Variants in ALPK2 observed in about 807,000 individuals in gnomAD.
ALPK2 encodes the protein alpha kinase 2, also known as alpha-protein kinase 2.
A neutral mutation model predicts 163.1 loss-of-function variants in ALPK2; 127 were observed. The observed-to-expected ratio is 0.78, with a 90% CI of 0.67 to 0.90. ALPK2 has a LOEUF of 0.90. Among genes scored for constraint, ALPK2 ranks in the 40% least tolerant of loss-of-function variants. ALPK2 has a pLI of 0.00. For synonymous variants in ALPK2, 953 were observed against 959.1 expected (o/e 0.99, Z 0.12); for missense variants, 2,360 against 2,589.6 (o/e 0.91, Z 1.92).
At chr18:58,576,643 T>A (rs1307879259) in intron 4 of ALPK2, among the ~76,000 whole-genome samples, 2 of 152,232 alleles carry the variant, frequency 1.3e-5, no homozygotes, top group Non-Finnish European at 2.9e-5. Flanking sequence ...TTGGCTACAT[T>A]GTATACGTGT....
chr18:58,508,810 T>C (rs1224473325), intron 10 of ALPK2, among the ~76,000 whole-genome samples: 1 of 152,174 alleles, frequency 6.6e-6, no homozygotes, highest in Non-Finnish European at 1.5e-5. Flanking sequence ...ATTTCTTGCG[T>C]GAGATCCAAG....
chr18:58,509,911 G>A (rs962851043), intron 10 of ALPK2, among the ~76,000 whole-genome samples: 47 of 151,892 alleles, frequency 3.1e-4, no homozygotes, highest in Non-Finnish European at 4.7e-4. Context: ...TGTCAATTTT[G>A]GCTTTTGTTG....
At chr18:58,524,586 G>T (rs965693348) in intron 6 of ALPK2, among the ~76,000 whole-genome samples, 2 of 152,090 alleles carry the variant, frequency 1.3e-5, no homozygotes, top group Non-Finnish European at 2.9e-5. Flanking sequence ...ATTAAGTTCC[G>T]GTCACTGTGC....
At chr18:58,514,913 A>G (rs59425126) in intron 10 of ALPK2, 80 bp downstream of exon 10, 164,585 of 1,075,326 alleles carry the variant, frequency 0.15, 13,393 homozygotes, top group Non-Finnish European at 0.17. Context: ...CACTTGCCCT[A>G]CTGTTCCTTC....
At chr18:58,530,550 C>T (rs1400983272) in intron 5 of ALPK2, among the ~76,000 whole-genome samples, 1 of 152,188 alleles carries the variant, frequency 6.6e-6, no homozygotes, top group Non-Finnish European at 1.5e-5. Flanking sequence ...CATGCAGTGG[C>T]CGGCTTCATG....
intron 3 of ALPK2, among the ~76,000 whole-genome samples, chr18:58,602,101 C>A (rs2052073485): frequency 6.6e-6 from 1 of 152,174 alleles, no homozygotes. Context: ...CCTTCAAATC[C>A]TTGAATAATC....
Position 58,535,888 on chromosome 18 carries a change from C to A in ALPK2, c.4299G>T (p.Gly1433=), listed in dbSNP as rs3809981. Residue 1433 remains glycine, a synonymous_variant, in exon 5 of 13, where the codon GGG becomes GGT. Transcript: ENST00000361673. ...CCATGTTTCCGTCATTTGATTGACC[C>A]CCTTCTCTGGCGCCCTGTGGTGTGG... ...SETTPQGARE[G]GQSNDGNMGH... is the part of the protein sequence containing the mutation. 3 of 1,613,992 alleles carry A rather than the reference C, an allele frequency of 1.9e-6. No individual in the cohort carries two copies. The South Asian group carries it at 3.3e-5, about 18-fold the overall frequency.
chr18:58,526,677 C>T (rs28441683), intron 6 of ALPK2, among the ~76,000 whole-genome samples: 2,753 of 152,306 alleles, frequency 0.018, 87 homozygotes, highest in African/African-American at 0.062. Context: ...CATGCCACTG[C>T]TACACAGAGA....
Position 58,580,042 on chromosome 18 carries a change from C to G in ALPK2, c.734G>C (p.Gly245Ala). The change falls in exon 4 of 13, where the codon GGT becomes GCT. Residue 245 changes from glycine to alanine, a missense_variant. By Grantham distance (60) the Gly-to-Ala change is moderately conservative. Coordinates refer to ENST00000361673, the MANE Select transcript of ALPK2 (RefSeq NM_052947.4). ...VHSMASKFTD[G>A]DLNNDGPHDE... ...ATGAGGACCATCATTGTTCAGGTCACCATCCGTGAACTTTGATGCCATGGA... is the reference window on the plus strand; with the variant it reads ...ATGAGGACCATCATTGTTCAGGTCAGCATCCGTGAACTTTGATGCCATGGA... 6.2e-7 allele frequency: 1 copy of G among 1,614,240 alleles called. No individual in the cohort carries two copies. The highest frequency in any genetic ancestry group is 8.5e-7 in the Non-Finnish European group (1 of 1,180,050).
At chr18:58,487,190 G>T (rs988857971) in intron 12 of ALPK2, among the ~76,000 whole-genome samples, 1 of 128,232 alleles carries the variant, frequency 7.8e-6, no homozygotes, top group Admixed American at 8.5e-5. Context: ...CTTAAATAAG[G>T]TCACACTGGA....
chr18:58,600,027 C>CTTTTTTTT lies in ALPK2; in HGVS notation c.227+7287_227+7294dup, dbSNP rs1166291584. Among the ~76,000 whole-genome samples, 46 of 66,862 alleles carry CTTTTTTTT rather than the reference C, an allele frequency of 6.9e-4. 1 individual carries two copies. The highest frequency in any genetic ancestry group is 2.2e-3 in the East Asian group (4 of 1,848). The allele number at this position is 66,862 out of a possible 152,430, so 43.9% of individuals were successfully genotyped here. On this transcript the variant is annotated intron_variant, in intron 3 of 12. Transcript: ENST00000361673. ...GTGTTTCTTCCAGCAATGGGGATAT[C>CTTTTTTTT]TTTTTTTTTTTTTTTTTTTTTTTTT...
chr18:58,534,607 T>C (rs1372958507), intron 5 of ALPK2, among the ~76,000 whole-genome samples: 1 of 152,236 alleles, frequency 6.6e-6, no homozygotes, highest in Non-Finnish European at 1.5e-5. Flanking sequence ...GGGAACTTGT[T>C]AGAAGTGCAA....
At chr18:58,568,852 C>T (rs752016058) in intron 4 of ALPK2, among the ~76,000 whole-genome samples, 4 of 152,116 alleles carry the variant, frequency 2.6e-5, no homozygotes, top group Non-Finnish European at 5.9e-5. Context: ...ACATGAGCAT[C>T]CTCAGATTTT....
chr18:58,514,484 A>T (rs1470210688), intron 10 of ALPK2, among the ~76,000 whole-genome samples: 2 of 152,268 alleles, frequency 1.3e-5, no homozygotes, highest in Non-Finnish European at 2.9e-5. Flanking sequence ...GGCAAAGAGC[A>T]GATAAAAGTG....
rs563487645 is a variant in ALPK2, at chr18:58,590,213, C to T, written c.228-9665G>A. ...CCAACCTGGGCGACAGAGCGAGGCT[C>T]CATCTAAAAAAAAAAAAAAAAAAAA... On this transcript the variant is annotated intron_variant, in intron 3 of 12. Transcript: ENST00000361673. 2.8e-5 allele frequency among the ~76,000 whole-genome samples: 3 copies of T among 108,254 alleles called. No individual in the cohort carries two copies. In the South Asian group the frequency reaches 1.1e-3, roughly 41 times the overall value. 71.0% of individuals were successfully genotyped at this position (108,254 alleles called of 152,430 possible).
chr18:58,606,950 C>T (rs1748164338), intron 3 of ALPK2, among the ~76,000 whole-genome samples: 3 of 152,232 alleles, frequency 2.0e-5, no homozygotes, highest in Non-Finnish European at 4.4e-5. Flanking sequence ...TCAGCCACTT[C>T]TCCTTCTTCC....
intron 12 of ALPK2, among the ~76,000 whole-genome samples, chr18:58,490,044 C>T (rs1473555868): frequency 2.0e-5 from 3 of 151,686 alleles, no homozygotes; most frequent in African/African-American, 7.3e-5. Context: ...GCACTCCACC[C>T]TTGGTGACAG....
intron 4 of ALPK2, among the ~76,000 whole-genome samples, chr18:58,545,505 G>A (rs534339284): frequency 1.2e-4 from 19 of 152,322 alleles, no homozygotes; most frequent in African/African-American, 4.6e-4. Context: ...CCTTAGGCAA[G>A]GTGAACTTGA....
At chr18:58,506,791 C>T (rs73959674) in intron 10 of ALPK2, among the ~76,000 whole-genome samples, 38,048 of 152,144 alleles carry the variant, frequency 0.25, 4,819 homozygotes, top group Middle Eastern at 0.33. Flanking sequence ...TCTGGACAGA[C>T]AGTTCTCTGT....
Sources: allele counts gnomAD v4.1 joint callset (sites outside exome capture counted in the v4.1 genomes callset), GRCh38; gene constraint gnomAD v4.1.1; transcripts MANE v1.5; gene names NCBI Gene and HGNC (gene_info 2026-07-23, HGNC 2026-07-21).